Variants in PTPRD observed in about 807,000 individuals in gnomAD.
The protein encoded by PTPRD is protein tyrosine phosphatase receptor type D, also known as receptor-type tyrosine-protein phosphatase delta.
PTPRD carries 34 observed loss-of-function variants against 214.5 expected under a neutral mutation model. That is an observed-to-expected ratio of 0.16 (90% CI 0.12 to 0.21). The LOEUF (loss-of-function observed/expected upper bound fraction) is 0.21. PTPRD is among the 10% of genes least tolerant of loss of function. The pLI is 1.00. For missense variants in PTPRD, 2,545 were observed against 2,398.7 expected (o/e 1.06, Z -1.27); for synonymous variants, 1,128 against 845.7 (o/e 1.33, Z -5.79).
intron 10 of PTPRD, among the ~76,000 whole-genome samples, chr9:9,103,526 C>T (rs2099794235): frequency 6.6e-6 from 1 of 151,968 alleles, no homozygotes; most frequent in Non-Finnish European, 1.5e-5. Flanking sequence ...CAATTGCTCA[C>T]ACTAGTTCTT....
chr9:10,005,771 C>G (rs1281790974), intron 4 of PTPRD, among the ~76,000 whole-genome samples: 1 of 151,910 alleles, frequency 6.6e-6, no homozygotes, highest in East Asian at 1.9e-4. Flanking sequence ...AGTTATTGCC[C>G]TTAGAGAGAC....
At chr9:10,609,278 A>C (rs1567194771) in intron 2 of PTPRD, among the ~76,000 whole-genome samples, 1 of 144,160 alleles carries the variant, frequency 6.9e-6, no homozygotes, top group African/African-American at 2.9e-5. Flanking sequence ...TGAAAATCAC[A>C]TTTTTTTCAG....
chr9:8,394,525 G>A (rs1289606020), intron 36 of PTPRD, among the ~76,000 whole-genome samples: 1 of 152,060 alleles, frequency 6.6e-6, no homozygotes, highest in African/African-American at 2.4e-5. Flanking sequence ...TAGGGCTGCT[G>A]GTAGTTTACT....
At chr9:8,713,193 C>A in intron 12 of PTPRD, 1 of 571,226 alleles carries the variant, frequency 1.8e-6, no homozygotes. Flanking sequence ...ATTTCAGGGT[C>A]AAACATTTGA....
chr9:9,324,392 T>G (rs1569567369), intron 9 of PTPRD, among the ~76,000 whole-genome samples: 1 of 152,192 alleles, frequency 6.6e-6, no homozygotes. Flanking sequence ...CTAACTGGTG[T>G]GAGATGGTAT....
At chr9:8,823,228 A>G (rs143713700) in intron 11 of PTPRD, among the ~76,000 whole-genome samples, 1 of 152,216 alleles carries the variant, frequency 6.6e-6, no homozygotes, top group African/African-American at 2.4e-5. Context: ...CCTGACCTCT[A>G]AATGTTCAGT....
intron 37 of PTPRD, among the ~76,000 whole-genome samples, chr9:8,387,892 C>A (rs1039337): frequency 0.19 from 29,067 of 152,070 alleles, 3,304 homozygotes; most frequent in Non-Finnish European, 0.25. Context: ...AAAGAAACTG[C>A]TTGATATATA....
At chr9:9,707,489 G>A (rs145109341) in intron 7 of PTPRD, among the ~76,000 whole-genome samples, 10 of 152,002 alleles carry the variant, frequency 6.6e-5, no homozygotes, top group East Asian at 5.8e-4. Context: ...CAATAGAACC[G>A]GTACAAATAA....
intron 4 of PTPRD, among the ~76,000 whole-genome samples, chr9:10,002,484 G>T (rs1011163084): frequency 6.6e-6 from 1 of 150,580 alleles, no homozygotes; most frequent in Non-Finnish European, 1.5e-5. Context: ...AAAATAAAAG[G>T]ATGATAAGAT....
At chr9:9,048,058 A>G (rs2099676603) in intron 10 of PTPRD, among the ~76,000 whole-genome samples, 2 of 152,210 alleles carry the variant, frequency 1.3e-5, no homozygotes, top group African/African-American at 4.8e-5. Flanking sequence ...GGTGCTTGAC[A>G]TCACTGATCA....
intron 7 of PTPRD, among the ~76,000 whole-genome samples, chr9:9,635,240 T>C (rs935448040): frequency 2.6e-5 from 4 of 152,174 alleles, no homozygotes; most frequent in African/African-American, 9.7e-5. Flanking sequence ...GAGGGATGTA[T>C]GCTTTCAAAG....
intron 7 of PTPRD, among the ~76,000 whole-genome samples, chr9:9,720,273 G>A (rs1164431018): frequency 6.6e-6 from 1 of 152,148 alleles, no homozygotes; most frequent in East Asian, 1.9e-4. Flanking sequence ...TCACTTTATA[G>A]ATGAGAAATC....
intron 2 of PTPRD, among the ~76,000 whole-genome samples, chr9:10,491,498 G>A (rs2040218801): frequency 6.6e-6 from 1 of 151,738 alleles, no homozygotes; most frequent in African/African-American, 2.4e-5. Context: ...AGGTATAGAT[G>A]CTACATCATT....
intron 9 of PTPRD, among the ~76,000 whole-genome samples, chr9:9,384,399 A>G (rs1049775367): frequency 2.6e-5 from 3 of 114,772 alleles, no homozygotes; most frequent in African/African-American, 9.7e-5. Flanking sequence ...TGGGTCAACA[A>G]CCCTATCCAA....
chr9:9,495,948 C>A (rs2096164014), intron 8 of PTPRD, among the ~76,000 whole-genome samples: 1 of 152,182 alleles, frequency 6.6e-6, no homozygotes, highest in South Asian at 2.1e-4. Context: ...GGCACCCCAA[C>A]TTGGGTGCCA....
intron 9 of PTPRD, among the ~76,000 whole-genome samples, chr9:9,362,872 T>G (rs2039418): frequency 6.6e-6 from 1 of 151,144 alleles, no homozygotes; most frequent in Non-Finnish European, 1.5e-5. Context: ...AAGAAAAGAA[T>G]AGATAGAATA....
At chr9:9,935,802 G>A (rs1420880316) in intron 5 of PTPRD, among the ~76,000 whole-genome samples, 3 of 149,008 alleles carry the variant, frequency 2.0e-5, no homozygotes, top group African/African-American at 7.8e-5. Flanking sequence ...AAAGCTGGAG[G>A]CATCACACTA....
At chr9:9,829,466 C>CT (rs1468147165) in intron 5 of PTPRD, among the ~76,000 whole-genome samples, 1 of 151,784 alleles carries the variant, frequency 6.6e-6, no homozygotes, top group African/African-American at 2.4e-5. Context: ...ATTCCTCTGG[C>CT]TTTAATGTGG....
At chr9:10,593,786 TA>T (rs1191996146) in intron 2 of PTPRD, among the ~76,000 whole-genome samples, 7 of 152,042 alleles carry the variant, frequency 4.6e-5, no homozygotes, top group East Asian at 1.9e-4. Context: ...TGTTTTTCCA[TA>T]AAAAAACTAA....
Sources: gnomAD v4.1 joint callset for allele counts (sites outside exome capture counted in the v4.1 genomes callset) on GRCh38, gnomAD v4.1.1 for gene constraint, MANE v1.5 for transcripts, NCBI Gene and HGNC (gene_info 2026-07-23, HGNC 2026-07-21) for gene names.